TRPM1: variants seen among roughly 807,000 people sequenced by gnomAD.
TRPM1 encodes transient receptor potential cation channel subfamily M member 1, also known as TRPM1-203 APA Isoform, Intron 10.
A neutral mutation model predicts 149.4 loss-of-function variants in TRPM1; 113 were observed. That is an observed-to-expected ratio of 0.76 (90% CI 0.65 to 0.88). TRPM1 has a LOEUF of 0.88. Among genes scored for constraint, TRPM1 ranks in the 40% least tolerant of loss-of-function variants. The pLI, the probability that TRPM1 is intolerant of heterozygous loss-of-function variation, is 0.00. For synonymous variants in TRPM1, 741 were observed against 759.5 expected (o/e 0.98, Z 0.40); for missense variants, 1,976 against 2,038.7 (o/e 0.97, Z 0.59).
At chr15:31,089,251 G>A (rs1266016635) in intron 1 of TRPM1, among the ~76,000 whole-genome samples, 1 of 152,128 alleles carries the variant, frequency 6.6e-6, no homozygotes, top group African/African-American at 2.4e-5. Flanking sequence ...CCCACTGGGT[G>A]GGTTTCTGAG....
At chr15:31,114,100 G>T (rs28670573) in intron 1 of TRPM1, among the ~76,000 whole-genome samples, 1 of 152,066 alleles carries the variant, frequency 6.6e-6, no homozygotes. Flanking sequence ...GTCCCCACTG[G>T]ACACAGAAGC....
chr15:31,091,361 C>T (rs151105883), intron 1 of TRPM1, among the ~76,000 whole-genome samples: 24 of 152,376 alleles, frequency 1.6e-4, no homozygotes, highest in African/African-American at 5.8e-4. Flanking sequence ...GACGATGTCA[C>T]TATCCATGTT....
At chr15:31,046,293 A>G (rs1596014301) in intron 15 of TRPM1, 60 bp from the exon 16 acceptor site, 2 of 1,518,262 alleles carry the variant, frequency 1.3e-6, no homozygotes, top group East Asian at 4.5e-5. Context: ...TGTTAGTAGT[A>G]CATTAGCAGT....
At chr15:31,027,145 AGTTAT>A in intron 25 of TRPM1, 28 bp from the exon 26 acceptor site, 1 of 1,603,500 alleles carries the variant, frequency 6.2e-7, no homozygotes, top group African/African-American at 1.3e-5. Flanking sequence ...TTTTACAGTT[AGTTAT>A]ATTACTTTTT....
intron 1 of TRPM1, among the ~76,000 whole-genome samples, chr15:31,138,062 A>G (rs562829399): frequency 9.2e-5 from 14 of 152,302 alleles, no homozygotes; most frequent in African/African-American, 3.1e-4. Context: ...GCCCTAACTT[A>G]TGGGCCAAGC....
intron 11 of TRPM1, among the ~76,000 whole-genome samples, chr15:31,056,001 A>G (rs78655970): frequency 0.14 from 21,153 of 152,274 alleles, 1,505 homozygotes; most frequent in Middle Eastern, 0.2. Context: ...TGAGATGAAA[A>G]TAGGCTAATA....
At chr15:31,046,381 G>C (rs1038454599) in intron 15 of TRPM1, 148 bp from the exon 16 acceptor site, 2 of 792,240 alleles carry the variant, frequency 2.5e-6, no homozygotes, top group Non-Finnish European at 4.2e-6. Flanking sequence ...CCAAGGAAAA[G>C]AAGTGCTTTA....
chr15:31,150,901 A>G (rs1567081751), intron 1 of TRPM1, among the ~76,000 whole-genome samples: 2 of 152,294 alleles, frequency 1.3e-5, no homozygotes, highest in East Asian at 3.9e-4. Flanking sequence ...CATGCGCAGT[A>G]AGGGGAACAA....
At chr15:31,003,549 T>G (rs2031872271) in intron 27 of TRPM1, among the ~76,000 whole-genome samples, 1 of 152,232 alleles carries the variant, frequency 6.6e-6, no homozygotes, top group Non-Finnish European at 1.5e-5. Context: ...TGGTACATCA[T>G]GCTGCCTGTA....
chr15:31,127,373 C>T (rs2035964443), intron 1 of TRPM1, among the ~76,000 whole-genome samples: 2 of 152,212 alleles, frequency 1.3e-5, no homozygotes. Context: ...ACCAGAAAAG[C>T]ATCTTAACCG....
chr15:31,082,539 C>T (rs2034889203), intron 1 of TRPM1, among the ~76,000 whole-genome samples: 1 of 152,102 alleles, frequency 6.6e-6, no homozygotes, highest in African/African-American at 2.4e-5. Flanking sequence ...CAATCCTGGT[C>T]ATTATCAAAT....
In TRPM1 at chr15:31,066,180, G is replaced by T; in HGVS notation, c.686C>A (p.Thr229Asn). Reference protein sequence around the residue: ...SKLSVLNNSHTHFILADNGTL... With the variant: ...SKLSVLNNSHNHFILADNGTL... Reference sequence around the variant, plus strand: ...GCCATTGTCAGCCAGGATGAAGTGGGTGTGGGAGTTGTTGAGCACAGAGAG... The same window carrying T: ...GCCATTGTCAGCCAGGATGAAGTGGTTGTGGGAGTTGTTGAGCACAGAGAG... Residue 229 changes from threonine to asparagine, a missense_variant, in exon 7 of 28, where the codon ACC becomes AAC. By Grantham distance (65) the Thr-to-Asn change is moderately conservative. Transcript: ENST00000256552. The T allele has an allele frequency of 6.2e-7, 1 of 1,614,204 alleles. No homozygotes were observed. The highest frequency in any genetic ancestry group is 8.5e-7 in the Non-Finnish European group (1 of 1,180,020).
chr15:31,154,899 A>G (rs1374100630), intron 1 of TRPM1, among the ~76,000 whole-genome samples: 2 of 151,884 alleles, frequency 1.3e-5, no homozygotes, highest in Non-Finnish European at 2.9e-5. Context: ...ATCCTTGACC[A>G]ATCAGTACTC....
In TRPM1 at chr15:31,063,120, G is replaced by C; in HGVS notation, c.963C>G (p.Gly321=). The change falls in exon 8 of 28, where the codon GGC becomes GGG. Residue 321 remains glycine (G), a splice_region_variant and synonymous_variant. Coordinates refer to ENST00000256552, the MANE Select transcript of TRPM1 (RefSeq NM_001252024.2). ...TCCTCGCGCGTCAGAAATCCTACCC[G>C]CCTTCTTCACAGTACTTGTGCGCAA... ...LSFAHKYCEE[G]GIINESLREQ... The C allele has an allele frequency of 6.2e-7, 1 of 1,614,138 alleles. No homozygotes were observed. Among genetic ancestry groups the C allele is most frequent in the Non-Finnish European group, 8.5e-7 (1 of 1,180,018 alleles).
intron 1 of TRPM1, among the ~76,000 whole-genome samples, chr15:31,097,205 C>T (rs1023613781): frequency 4.6e-5 from 7 of 152,160 alleles, no homozygotes; most frequent in African/African-American, 1.7e-4. Flanking sequence ...GCCTGCCCTC[C>T]AGTGGGAGCA....
intron 27 of TRPM1, among the ~76,000 whole-genome samples, chr15:31,024,649 A>C (rs79563288): frequency 6.6e-6 from 1 of 152,226 alleles, no homozygotes; most frequent in Non-Finnish European, 1.5e-5. Flanking sequence ...TAAAAATCCA[A>C]GGAATGCCGG....
At chr15:31,059,761 T>C (rs1452549795) in intron 11 of TRPM1, among the ~76,000 whole-genome samples, 4 of 152,196 alleles carry the variant, frequency 2.6e-5, no homozygotes, top group African/African-American at 9.7e-5. Context: ...CTACTACCTT[T>C]CATAAGCAGC....
upstream of TRPM1, among the ~76,000 whole-genome samples, chr15:31,104,458 T>C (rs890957316): frequency 1.3e-5 from 2 of 152,196 alleles, no homozygotes; most frequent in Non-Finnish European, 2.9e-5. Context: ...AGGTGGACTT[T>C]TGCAATAAGA....
chr15:31,050,142 A>G (rs16956490), intron 12 of TRPM1, among the ~76,000 whole-genome samples: 3,518 of 152,332 alleles, frequency 0.023, 131 homozygotes, highest in African/African-American at 0.081. Flanking sequence ...CCAGGTACAG[A>G]ACCATTGCTG....
Sources: allele counts gnomAD v4.1 joint callset (sites outside exome capture counted in the v4.1 genomes callset), GRCh38; gene constraint gnomAD v4.1.1; transcripts MANE v1.5; gene names NCBI Gene and HGNC (gene_info 2026-07-23, HGNC 2026-07-21).